DLGAP2: variants seen among roughly 807,000 people sequenced by gnomAD.
DLGAP2 encodes the protein DLG associated protein 2.
DLGAP2 carries 26 observed loss-of-function variants against 100.3 expected under a neutral mutation model. That is an observed-to-expected ratio of 0.26 (90% CI 0.19 to 0.36). The LOEUF (loss-of-function observed/expected upper bound fraction) is 0.36, where lower values mean the gene tolerates loss of function less well. Among genes scored for constraint, DLGAP2 ranks in the 10% least tolerant of loss-of-function variants. The pLI is 1.00. For missense variants in DLGAP2, 1,858 were observed against 1,453.2 expected (o/e 1.28, Z -4.53); for synonymous variants, 886 against 630.1 (o/e 1.41, Z -6.08).
chr8:1,283,196 C>G (rs924076278), intron 3 of DLGAP2, among the ~76,000 whole-genome samples: 2 of 146,834 alleles, frequency 1.4e-5, no homozygotes, highest in Admixed American at 1.4e-4. Flanking sequence ...GTGAACCATC[C>G]AGACGTGGTG....
At chr8:1,411,174 T>C (rs1432663233) in intron 3 of DLGAP2, among the ~76,000 whole-genome samples, 5 of 152,204 alleles carry the variant, frequency 3.3e-5, no homozygotes, top group Admixed American at 2.6e-4. Flanking sequence ...TTAATTGCTC[T>C]GCTTAACTAC....
intron 13 of DLGAP2, 50 bp downstream of exon 13, chr8:1,691,676 C>A: frequency 1.4e-6 from 2 of 1,386,408 alleles, no homozygotes; most frequent in Non-Finnish European, 2.0e-6. Context: ...AGCTAATGGG[C>A]ATCATTCCAC....
In DLGAP2 at chr8:921,700, TC is replaced by T. The variant is rs1798719547; in HGVS notation, c.73+13736del. Among the ~76,000 whole-genome samples, 3 of 152,242 alleles carry T rather than the reference TC, an allele frequency of 2.0e-5. No individual in the cohort carries two copies. The South Asian group carries it at 6.2e-4, about 32-fold the overall frequency. On this transcript the variant is annotated intron_variant, in intron 2 of 14. Coordinates refer to ENST00000637795, the MANE Select transcript of DLGAP2 (RefSeq NM_001346810.2). ...CACGGCTACTGCCACCCAGCCATCCTCCACCCAGGTGGCTGCGCTGCTCAGA... is the reference window on the plus strand; with the variant it reads ...CACGGCTACTGCCACCCAGCCATCCTCACCCAGGTGGCTGCGCTGCTCAGA...
intron 2 of DLGAP2, among the ~76,000 whole-genome samples, chr8:1,242,598 G>A (rs1339224991): frequency 1.3e-5 from 2 of 152,208 alleles, no homozygotes; most frequent in Admixed American, 1.3e-4. Flanking sequence ...TGAGCCCTCT[G>A]CGCCACTCCT....
At chr8:1,102,773 G>A (rs973792645) in intron 2 of DLGAP2, among the ~76,000 whole-genome samples, 1 of 152,128 alleles carries the variant, frequency 6.6e-6, no homozygotes, top group Non-Finnish European at 1.5e-5. Context: ...GTGATGTGGG[G>A]AGGAGAAAAA....
At chr8:1,038,289 T>A (rs1383159996) in intron 2 of DLGAP2, among the ~76,000 whole-genome samples, 1 of 152,210 alleles carries the variant, frequency 6.6e-6, no homozygotes, top group East Asian at 1.9e-4. Flanking sequence ...GAACCTTTTT[T>A]CCTTCCAAGT....
intron 1 of DLGAP2, among the ~76,000 whole-genome samples, chr8:793,975 G>A (rs922525324): frequency 2.0e-4 from 31 of 152,188 alleles, no homozygotes; most frequent in African/African-American, 6.7e-4. Flanking sequence ...GCTTGTCTTT[G>A]TCTCTGAAAT....
At chr8:789,473 A>G (rs531608055) in intron 1 of DLGAP2, among the ~76,000 whole-genome samples, 1 of 152,214 alleles carries the variant, frequency 6.6e-6, no homozygotes, top group Admixed American at 6.5e-5. Flanking sequence ...ACCCCCCACC[A>G]GGCCCCTCTT....
chr8:1,203,620 A>G (rs990877875), intron 2 of DLGAP2, among the ~76,000 whole-genome samples: 7 of 152,176 alleles, frequency 4.6e-5, no homozygotes, highest in African/African-American at 1.7e-4. Flanking sequence ...TGTACTTCCT[A>G]CAGATAAGAA....
rs1799661972 is a variant in DLGAP2, at chr8:1,704,800, GA to G, written c.*3395del. ...AAAAAAAAAAGCCTACAAACTCAGT[GA>G]CCTACTACGCAGAGGGAATTTTTCC... On this transcript the variant is annotated 3_prime_UTR_variant, in exon 15 of 15. Coordinates refer to ENST00000637795, the MANE Select transcript of DLGAP2 (RefSeq NM_001346810.2). The G allele has an allele frequency of 6.6e-6, 1 of 151,912 alleles. No individual in the cohort carries two copies. The highest frequency in any genetic ancestry group is 2.4e-5 in the African/African-American group (1 of 41,362). 9.4% of individuals were successfully genotyped at this position (151,912 alleles called of 1,614,324 possible).
intron 3 of DLGAP2, among the ~76,000 whole-genome samples, chr8:1,266,977 C>A (rs942597213): frequency 2.0e-5 from 3 of 151,882 alleles, no homozygotes; most frequent in Admixed American, 1.3e-4. Flanking sequence ...GCCTATAATC[C>A]CAGCACATTG....
chr8:763,251 C>T (rs574258587), intron 1 of DLGAP2, among the ~76,000 whole-genome samples: 182 of 152,294 alleles, frequency 1.2e-3, no homozygotes, highest in African/African-American at 4.2e-3. Flanking sequence ...CACTTCCCTT[C>T]GCGTGCTACT....
intron 3 of DLGAP2, among the ~76,000 whole-genome samples, chr8:1,359,316 G>A (rs988966975): frequency 2.0e-5 from 3 of 152,218 alleles, no homozygotes; most frequent in Admixed American, 6.5e-5. Flanking sequence ...CTGGTTAGAC[G>A]CCTTCACCCA....
At position 1,092,729 on chromosome 8, in the gene DLGAP2, C is replaced by A. The variant is rs566062304; in HGVS notation, c.74-166122C>A. On this transcript the variant is annotated intron_variant, in intron 2 of 14. Transcript: ENST00000637795. ...TGAAGCCAGAGAGGAACCTGAGGTCCCGACTTGGCCTGGGAGCCCAGATGT... is the reference window on the plus strand; with the variant it reads ...TGAAGCCAGAGAGGAACCTGAGGTCACGACTTGGCCTGGGAGCCCAGATGT... 1.6e-4 allele frequency among the ~76,000 whole-genome samples: 24 copies of A among 152,264 alleles called. No homozygotes were observed. In the South Asian group the frequency reaches 4.8e-3, roughly 30 times the overall value.
At chr8:1,579,350 T>G (rs900544289) in intron 6 of DLGAP2, among the ~76,000 whole-genome samples, 2 of 152,214 alleles carry the variant, frequency 1.3e-5, no homozygotes, top group Admixed American at 6.5e-5. Flanking sequence ...TAGACACATA[T>G]GTATATGAGT....
At chr8:1,217,198 A>G (rs1334044567) in intron 2 of DLGAP2, among the ~76,000 whole-genome samples, 1 of 152,122 alleles carries the variant, frequency 6.6e-6, no homozygotes, top group African/African-American at 2.4e-5. Flanking sequence ...ATTATCAGGG[A>G]GAACATGGAG....
At chr8:1,519,486 T>C (rs1800512864) in intron 4 of DLGAP2, among the ~76,000 whole-genome samples, 2 of 152,220 alleles carry the variant, frequency 1.3e-5, no homozygotes, top group Non-Finnish European at 2.9e-5. Flanking sequence ...AAAGCTCTCT[T>C]TTCAAGTCAA....
chr8:1,409,726 T>C (rs1266443763), intron 3 of DLGAP2, among the ~76,000 whole-genome samples: 1 of 152,094 alleles, frequency 6.6e-6, no homozygotes, highest in Non-Finnish European at 1.5e-5. Flanking sequence ...CCCCAGTCCA[T>C]GAGGGCTCAA....
At chr8:1,509,329 A>T (rs1163312477) in intron 4 of DLGAP2, among the ~76,000 whole-genome samples, 701 of 65,490 alleles carry the variant, frequency 0.011, 16 homozygotes, top group African/African-American at 0.027. Flanking sequence ...GACTCCGTCC[A>T]AAAAAAAAAA....
Sources: allele counts gnomAD v4.1 joint callset (sites outside exome capture counted in the v4.1 genomes callset), GRCh38; gene constraint gnomAD v4.1.1; transcripts MANE v1.5; gene names NCBI Gene and HGNC (gene_info 2026-07-23, HGNC 2026-07-21).